PLXNA4: variants seen among roughly 807,000 people sequenced by gnomAD.
The protein encoded by PLXNA4 is plexin A4, also known as plexin-A4.
PLXNA4 carries 44 observed loss-of-function variants against 191.8 expected under a neutral mutation model. The ratio of observed to expected loss-of-function variants is 0.23; its 90% CI spans 0.18 to 0.29. The LOEUF is 0.29. PLXNA4 is among the 10% of genes least tolerant of loss of function. The probability of loss-of-function intolerance (pLI) is 1.00; values close to 1 mark genes in which losing one functional copy is unlikely to be tolerated. For synonymous variants in PLXNA4, 1,082 were observed against 1,009.5 expected, an observed-to-expected ratio of 1.07 and a Z score of -1.36; for missense variants, 1,800 against 2,488.8, an observed-to-expected ratio of 0.72 and a Z score of 5.89.
At chr7:132,209,187 C>A (rs1168431626) in intron 10 of PLXNA4, among the ~76,000 whole-genome samples, 1 of 152,200 alleles carries the variant, frequency 6.6e-6, no homozygotes, top group Non-Finnish European at 1.5e-5. Context: ...GGCCATGGGG[C>A]CCAGTTTTAT....
chr7:132,571,678 TA>T (rs1358625122), intron 1 of PLXNA4, among the ~76,000 whole-genome samples: 1 of 152,152 alleles, frequency 6.6e-6, no homozygotes, highest in Admixed American at 6.5e-5. Flanking sequence ...AAAATGGGAA[TA>T]AACAATACCT....
intron 2 of PLXNA4, among the ~76,000 whole-genome samples, chr7:132,631,522 G>A (rs1301065260): frequency 6.6e-6 from 1 of 152,096 alleles, no homozygotes; most frequent in African/African-American, 2.4e-5. Flanking sequence ...AGCTCTAGAG[G>A]GAGGAATGAA....
chr7:132,622,852 A>T (rs1803295549), intron 2 of PLXNA4, among the ~76,000 whole-genome samples: 1 of 152,182 alleles, frequency 6.6e-6, no homozygotes, highest in African/African-American at 2.4e-5. Context: ...CATGGTTACC[A>T]GGTTATCTGT....
At chr7:132,425,818 G>T (rs1333694869) in intron 3 of PLXNA4, among the ~76,000 whole-genome samples, 1 of 152,218 alleles carries the variant, frequency 6.6e-6, no homozygotes, top group Admixed American at 6.5e-5. Flanking sequence ...CTCCATCGAG[G>T]TGGGGGCGGG....
chr7:132,448,065 C>T (rs964267852), intron 3 of PLXNA4, among the ~76,000 whole-genome samples: 3 of 152,178 alleles, frequency 2.0e-5, no homozygotes, highest in African/African-American at 7.2e-5. Context: ...TAGCATCTCT[C>T]ACACCTTCTA....
intron 3 of PLXNA4, among the ~76,000 whole-genome samples, chr7:132,416,513 T>C (rs1794666039): frequency 6.6e-6 from 1 of 152,214 alleles, no homozygotes; most frequent in Non-Finnish European, 1.5e-5. Flanking sequence ...GTTTTTCCCA[T>C]CATCCTCATC....
intron 4 of PLXNA4, among the ~76,000 whole-genome samples, chr7:132,250,998 CA>C (rs1335374896): frequency 1.3e-5 from 2 of 150,804 alleles, no homozygotes; most frequent in Admixed American, 1.3e-4. Flanking sequence ...CCAAGCCCAG[CA>C]GGTGGGAAGG....
intron 3 of PLXNA4, among the ~76,000 whole-genome samples, chr7:132,377,422 G>GAAAAAAA (rs10596289): frequency 3.2e-4 from 28 of 86,336 alleles, no homozygotes; most frequent in Non-Finnish European, 4.6e-4. Context: ...AAATGAAAAA[G>GAAAAAAA]AAAAAAAAAA....
intron 17 of PLXNA4, 68 bp from the exon 18 acceptor site, chr7:132,181,688 G>A (rs533908788): frequency 2.6e-5 from 41 of 1,581,666 alleles, no homozygotes; most frequent in Non-Finnish European, 3.1e-5. Flanking sequence ...AGTGCACATA[G>A]TGGGCCTCCC....
intron 3 of PLXNA4, among the ~76,000 whole-genome samples, chr7:132,309,274 T>C (rs1801637804): frequency 6.6e-6 from 1 of 152,140 alleles, no homozygotes; most frequent in Non-Finnish European, 1.5e-5. Flanking sequence ...AACCACAGCC[T>C]GGCCTCGCTG....
At chr7:132,354,142 C>G (rs1398332470) in intron 3 of PLXNA4, among the ~76,000 whole-genome samples, 1 of 151,990 alleles carries the variant, frequency 6.6e-6, no homozygotes, top group African/African-American at 2.4e-5. Flanking sequence ...TCATTACAGC[C>G]AGAAATGTGT....
chr7:132,497,416 T>C (rs916993403), intron 2 of PLXNA4, among the ~76,000 whole-genome samples: 1 of 152,212 alleles, frequency 6.6e-6, no homozygotes, highest in Admixed American at 6.5e-5. Context: ...ACATCGTGTT[T>C]ACTCCACAAT....
At chr7:132,163,891 C>T (rs1363578279) in intron 24 of PLXNA4, among the ~76,000 whole-genome samples, 2 of 152,212 alleles carry the variant, frequency 1.3e-5, no homozygotes, top group African/African-American at 4.8e-5. Flanking sequence ...TCAGAAACCC[C>T]CAGTTCATTG....
intron 3 of PLXNA4, among the ~76,000 whole-genome samples, chr7:132,328,367 C>T (rs571335269): frequency 1.3e-5 from 2 of 152,270 alleles, no homozygotes; most frequent in South Asian, 4.1e-4. Flanking sequence ...TGGTCTTCCT[C>T]CCACCATGTC....
upstream of PLXNA4, among the ~76,000 whole-genome samples, chr7:132,581,913 CT>C (rs959624942): frequency 1.3e-5 from 2 of 152,156 alleles, no homozygotes; most frequent in African/African-American, 4.8e-5. Flanking sequence ...CAAAACTTGT[CT>C]TTTTAACCGC....
At chr7:132,616,006 G>C (rs781331197) in intron 2 of PLXNA4, among the ~76,000 whole-genome samples, 57 of 136,078 alleles carry the variant, frequency 4.2e-4, no homozygotes, top group Non-Finnish European at 6.8e-4. Context: ...AAATCAGCCA[G>C]ACTTAGCTAG....
intron 3 of PLXNA4, among the ~76,000 whole-genome samples, chr7:132,449,262 G>C (rs888307685): frequency 1.3e-5 from 2 of 152,156 alleles, no homozygotes; most frequent in Non-Finnish European, 2.9e-5. Context: ...CTCTTACTCA[G>C]ATCCATGTGC....
intron 3 of PLXNA4, among the ~76,000 whole-genome samples, chr7:132,461,270 G>A (rs775096126): frequency 6.6e-6 from 1 of 152,204 alleles, no homozygotes; most frequent in Non-Finnish European, 1.5e-5. Context: ...CAGAGGGAAG[G>A]AGCTGCCCTC....
intron 3 of PLXNA4, among the ~76,000 whole-genome samples, chr7:132,388,462 A>T (rs1392262298): frequency 6.6e-6 from 1 of 152,116 alleles, no homozygotes; most frequent in Non-Finnish European, 1.5e-5. Context: ...CAGTCACCAG[A>T]TATTCCACCA....
Sources: gnomAD v4.1 joint callset for allele counts (sites outside exome capture counted in the v4.1 genomes callset) on GRCh38, gnomAD v4.1.1 for gene constraint, MANE v1.5 for transcripts, NCBI Gene and HGNC (gene_info 2026-07-23, HGNC 2026-07-21) for gene names.